Variants in GPR83 observed in about 807,000 individuals in gnomAD.
GPR83 encodes the protein G-protein coupled receptor 72.
In GPR83, 23 loss-of-function variants were observed where a neutral mutation model predicts 28.0. The observed-to-expected ratio is 0.82, with a 90% CI of 0.59 to 1.16. GPR83 has a LOEUF of 1.16. GPR83 is among the 50% of genes most tolerant of loss of function. The pLI is 0.00. For missense variants in GPR83, 610 were observed against 536.6 expected, an observed-to-expected ratio of 1.14 and a Z score of -1.35; for synonymous variants, 234 against 215.4, an observed-to-expected ratio of 1.09 and a Z score of -0.76.
intron 3 of GPR83, among the ~76,000 whole-genome samples, chr11:94,393,146 C>T (rs1944833514): frequency 1.3e-5 from 2 of 152,176 alleles, no homozygotes; most frequent in African/African-American, 4.8e-5. Context: ...GAGAGGTTTA[C>T]ACCTTGCTCC....
At chr11:94,395,611 A>G (rs12224966) in intron 2 of GPR83, among the ~76,000 whole-genome samples, 52,033 of 152,096 alleles carry the variant, frequency 0.34, 9,024 homozygotes, top group East Asian at 0.44. Flanking sequence ...TTGAGTAAGC[A>G]TGGAAAAGGC....
intron 3 of GPR83, among the ~76,000 whole-genome samples, chr11:94,382,052 C>A (rs1486917961): frequency 6.6e-6 from 1 of 152,096 alleles, no homozygotes; most frequent in Non-Finnish European, 1.5e-5. Context: ...TAAGGAAGCT[C>A]ATCTAACACA....
At chr11:94,388,291 C>T (rs910585559) in intron 3 of GPR83, among the ~76,000 whole-genome samples, 139 of 152,314 alleles carry the variant, frequency 9.1e-4, no homozygotes, top group Non-Finnish European at 1.5e-3. Flanking sequence ...CTCACCACTC[C>T]TATTCAACAC....
Position 94,383,864 on chromosome 11 carries a change from C to T in GPR83, c.648-3091G>A, listed in dbSNP as rs570544706. ...TAATAGCCTACCAACCAAAAAAAGTCCAGGACCAGACAGATTCACAGCCAG... is the reference window on the plus strand; with the variant it reads ...TAATAGCCTACCAACCAAAAAAAGTTCAGGACCAGACAGATTCACAGCCAG... On this transcript the variant is annotated intron_variant, in intron 3 of 3. Coordinates refer to ENST00000243673, the MANE Select transcript of GPR83 (RefSeq NM_016540.4). Among the ~76,000 whole-genome samples, 8 of 152,230 alleles carry T rather than the reference C, an allele frequency of 5.3e-5. No homozygotes were observed. In the East Asian group the frequency reaches 1.5e-3, roughly 29 times the overall value.
chr11:94,388,491 C>G (rs1334007939), intron 3 of GPR83, among the ~76,000 whole-genome samples: 1 of 152,018 alleles, frequency 6.6e-6, no homozygotes, highest in Non-Finnish European at 1.5e-5. Flanking sequence ...GATATAAAAT[C>G]AATGTGCAAA....
chr11:94,397,604 T>C (rs56108804), intron 1 of GPR83, among the ~76,000 whole-genome samples: 53,752 of 152,148 alleles, frequency 0.35, 9,579 homozygotes, highest in East Asian at 0.44. Flanking sequence ...TCCTCATCTG[T>C]AAAATGGGCT....
chr11:94,396,588 G>A, intron 1 of GPR83, 64 bp from the exon 2 acceptor site: 1 of 1,560,876 alleles, frequency 6.4e-7, no homozygotes, highest in East Asian at 2.3e-5. Context: ...CATCCCTAGA[G>A]GTCTCTGAGG....
chr11:94,382,908 T>C (rs1390985500), intron 3 of GPR83, among the ~76,000 whole-genome samples: 1 of 152,098 alleles, frequency 6.6e-6, no homozygotes, highest in African/African-American at 2.4e-5. Flanking sequence ...CTCATGCCTG[T>C]AATCCCAGCA....
At chr11:94,391,385 G>C (rs1031781687) in intron 3 of GPR83, among the ~76,000 whole-genome samples, 1 of 151,660 alleles carries the variant, frequency 6.6e-6, no homozygotes, top group Non-Finnish European at 1.5e-5. Context: ...AGAAAGCCTG[G>C]ATACCATTCA....
intron 3 of GPR83, among the ~76,000 whole-genome samples, chr11:94,381,588 CT>C (rs1944690151): frequency 7.4e-6 from 1 of 134,422 alleles, no homozygotes; most frequent in Non-Finnish European, 1.7e-5. Flanking sequence ...TGCGCGCGTG[CT>C]GCAGGTGGGG....
chr11:94,391,054 C>T (rs781490930), intron 3 of GPR83, among the ~76,000 whole-genome samples: 25 of 152,114 alleles, frequency 1.6e-4, no homozygotes, highest in Admixed American at 9.2e-4. Context: ...AGAGGCATCA[C>T]GCTACCTGAC....
At position 94,401,029 on chromosome 11, in the gene GPR83, C is replaced by T. The variant is rs1944906365; in HGVS notation, c.219G>A (p.Leu73=). Residue 73 remains leucine (L), a synonymous_variant, in exon 1 of 4, where the codon CTG becomes CTA. Transcript: ENST00000243673. ...AESQNPTVKA[L]LIVAYSFIIV... is the part of the protein sequence containing the mutation. ...TGATGAAGGAGTAAGCCACAATGAG[C>T]AGGGCTTTCACCGTGGGGTTCTGGG... 1 of 1,613,972 alleles carries T rather than the reference C, an allele frequency of 6.2e-7. No homozygotes were observed. Among genetic ancestry groups the T allele is most frequent in the African/African-American group, 1.3e-5 (1 of 74,946 alleles).
In GPR83 at chr11:94,380,361, T is replaced by C. The variant is rs759357637; in HGVS notation, c.1060A>G (p.Ile354Val). The C allele has an allele frequency of 1.2e-6, 2 of 1,614,118 alleles. No homozygotes were observed. The highest frequency in any genetic ancestry group is 1.1e-5 in the South Asian group (1 of 91,072). ...IYCWLNENFR[I>V]ELKALLSMCQ... ...ATGCTCAGTAATGCCTTTAGCTCAA[T>C]CCTGAAGTTCTCGTTCAGCCAGCAG... The change falls in exon 4 of 4, where the codon ATT becomes GTT. Residue 354 changes from isoleucine (I) to valine (V), a missense_variant. Physicochemically the swap from Ile to Val is conservative, Grantham distance 29. Transcript: ENST00000243673.
At chr11:94,397,898 G>A (rs1033489372) in intron 1 of GPR83, among the ~76,000 whole-genome samples, 4 of 152,202 alleles carry the variant, frequency 2.6e-5, no homozygotes, top group Non-Finnish European at 5.9e-5. Context: ...TTGAAACTAG[G>A]ACAACAGACC....
In GPR83 at chr11:94,380,571, G is replaced by A. The variant is rs200087801; in HGVS notation, c.850C>T (p.Arg284Trp). The part of the protein sequence containing the change: ...DVTTEQYFAL[R>W]RKKKKTIKML... ...TTGATGGTCTTCTTCTTTTTGCGCC[G>A]CAGGGCAAAGTACTGCTCTGTGGTC... Residue 284 changes from arginine (R) to tryptophan (W), a missense_variant, in exon 4 of 4, where the codon CGG (arginine) becomes TGG (tryptophan). By Grantham distance (101) the Arg-to-Trp change is moderately radical. Transcript: ENST00000243673. The A allele has an allele frequency of 9.4e-5, 151 of 1,613,958 alleles. No individual in the cohort carries two copies. Among genetic ancestry groups the A allele is most frequent in the Middle Eastern group, 3.3e-4 (2 of 6,084 alleles).
At chr11:94,396,842 AC>A (rs1944871444) in intron 1 of GPR83, among the ~76,000 whole-genome samples, 1 of 146,934 alleles carries the variant, frequency 6.8e-6, no homozygotes, top group African/African-American at 2.5e-5. Flanking sequence ...AAGATAGGTA[AC>A]CTCTCTGAAT....
intron 3 of GPR83, among the ~76,000 whole-genome samples, chr11:94,390,510 A>T (rs1207412913): frequency 1.1e-4 from 16 of 152,146 alleles, no homozygotes; most frequent in Non-Finnish European, 2.2e-4. Context: ...GGATATTCAA[A>T]TGGGAAGAGA....
intron 3 of GPR83, among the ~76,000 whole-genome samples, chr11:94,391,131 G>C (rs1366867875): frequency 6.6e-6 from 1 of 152,136 alleles, no homozygotes; most frequent in Non-Finnish European, 1.5e-5. Flanking sequence ...CAGAGATATA[G>C]ACCAATGGAA....
At chr11:94,384,285 C>A (rs976160986) in intron 3 of GPR83, among the ~76,000 whole-genome samples, 15 of 152,168 alleles carry the variant, frequency 9.9e-5, no homozygotes, top group Non-Finnish European at 4.4e-5. Flanking sequence ...ATTCAGCACC[C>A]TTTCATGCTA....
Sources: gnomAD v4.1 joint callset for allele counts (sites outside exome capture counted in the v4.1 genomes callset) on GRCh38, gnomAD v4.1.1 for gene constraint, MANE v1.5 for transcripts, NCBI Gene and HGNC (gene_info 2026-07-23, HGNC 2026-07-21) for gene names.